The following ATP2B4 variants were observed in gnomAD, a reference collection of about 807,000 sequenced individuals.
ATP2B4 encodes ATPase plasma membrane Ca2+ transporting 4.
In ATP2B4, 39 loss-of-function variants were observed where a neutral mutation model predicts 110.3. The ratio of observed to expected loss-of-function variants is 0.35; its 90% CI spans 0.27 to 0.46. The LOEUF (loss-of-function observed/expected upper bound fraction) is 0.46. Among genes scored for constraint, ATP2B4 ranks in the 20% least tolerant of loss-of-function variants. The pLI, the probability that ATP2B4 is intolerant of heterozygous loss-of-function variation, is 1.00. For synonymous variants in ATP2B4, 538 were observed against 571.7 expected (o/e 0.94, Z 0.84); for missense variants, 1,135 against 1,530.9 (o/e 0.74, Z 4.32).
chr1:203,683,639 TTTTC>T lies in ATP2B4; in HGVS notation c.193+252_193+255del, dbSNP rs1161532810. 7.2e-5 allele frequency among the ~76,000 whole-genome samples: 11 copies of T among 151,750 alleles called. No individual in the cohort carries two copies. The South Asian group carries it at 8.3e-4, about 11-fold the overall frequency. On this transcript the variant is annotated intron_variant, in intron 2 of 20. Coordinates refer to ENST00000357681, the MANE Select transcript of ATP2B4 (RefSeq NM_001684.5). The stretch of plus-strand genomic sequence containing the variant: ...AAAGATTATTCTTTTCTCCTTTTTC[TTTTC>T]TTTCTTTCTTCTTCTTTTGTTTCTT...
chr1:203,648,092 C>T (rs1276960272), intron 1 of ATP2B4, among the ~76,000 whole-genome samples: 2 of 152,078 alleles, frequency 1.3e-5, no homozygotes, highest in Non-Finnish European at 2.9e-5. Flanking sequence ...AAATAAAGCC[C>T]CCTGTAAATC....
At position 203,716,768 on chromosome 1, in the gene ATP2B4, G is replaced by A. The variant is rs141763620; in HGVS notation, c.2406+2491G>A. Among the ~76,000 whole-genome samples the A allele has an allele frequency of 4.1e-3, 595 of 145,234 alleles. 71 individuals are homozygous for A. The highest frequency in any genetic ancestry group is 0.014 in the African/African-American group (557 of 39,890). The stretch of plus-strand genomic sequence containing the variant: ...TTATTTCACTGTGATTTCCTTTAAC[G>A]TATTATTTTCTTCCTTATATTTCCT... On this transcript the variant is annotated intron_variant, in intron 15 of 20. Transcript: ENST00000357681.
At chr1:203,686,685 C>CTTTTGTTTTTTTTTTTTTTTTTTTTTTT (rs1665194016) in intron 2 of ATP2B4, among the ~76,000 whole-genome samples, 1 of 42,776 alleles carries the variant, frequency 2.3e-5, no homozygotes, top group African/African-American at 1.0e-4. Context: ...TCTTTTCTTT[C>CTTTTGTTTTTTTTTTTTTTTTTTTTTTT]TTTTTTTTTT....
At chr1:203,734,041 C>T (rs1474066025) in intron 20 of ATP2B4, among the ~76,000 whole-genome samples, 2 of 152,228 alleles carry the variant, frequency 1.3e-5, no homozygotes, top group South Asian at 2.1e-4. Context: ...CACGATGGCT[C>T]ACGCCTGTAA....
In ATP2B4 at chr1:203,694,019, A is replaced by C. The variant is rs183360734; in HGVS notation, c.194-4138A>C. On this transcript the variant is annotated intron_variant, in intron 2 of 20. Coordinates refer to ENST00000357681, the MANE Select transcript of ATP2B4 (RefSeq NM_001684.5). ...ATAGACTCTGCCACTTAATAAGCTC[A>C]AGTAGTCATACCCCTGCCAGGCCTT... Among the ~76,000 whole-genome samples, 6 of 152,162 alleles carry C rather than the reference A, an allele frequency of 3.9e-5. No individual in the cohort carries two copies. The East Asian group carries it at 1.2e-3, about 29-fold the overall frequency.
intron 1 of ATP2B4, among the ~76,000 whole-genome samples, chr1:203,646,815 C>CAGG (rs1291027111): frequency 2.6e-5 from 4 of 152,136 alleles, no homozygotes; most frequent in Non-Finnish European, 4.4e-5. Context: ...TGCCTCTACA[C>CAGG]AGGATCATCC....
chr1:203,730,484 T>C (rs1259859267), intron 20 of ATP2B4, among the ~76,000 whole-genome samples: 1 of 152,182 alleles, frequency 6.6e-6, no homozygotes, highest in African/African-American at 2.4e-5. Flanking sequence ...CCCCCAGTGC[T>C]TTCCTTTGGG....
At chr1:203,703,490 G>A (rs1665754481) in intron 7 of ATP2B4, among the ~76,000 whole-genome samples, 162 bp from the exon 8 acceptor site, 1 of 152,180 alleles carries the variant, frequency 6.6e-6, no homozygotes, top group Non-Finnish European at 1.5e-5. Flanking sequence ...AGTGTTGAAG[G>A]CAAGTTCCAT....
At chr1:203,652,304 C>T (rs992629000) in intron 1 of ATP2B4, among the ~76,000 whole-genome samples, 37 of 151,892 alleles carry the variant, frequency 2.4e-4, no homozygotes, top group Admixed American at 4.6e-4. Flanking sequence ...CCTCCATGCC[C>T]GGCTAATTTT....
At chr1:203,701,087 C>T (rs1015792782) in intron 6 of ATP2B4, among the ~76,000 whole-genome samples, 164 bp downstream of exon 6, 1 of 151,854 alleles carries the variant, frequency 6.6e-6, no homozygotes, top group Admixed American at 6.6e-5. Flanking sequence ...ATCCTTGGCT[C>T]CAGGGAGCTC....
At chr1:203,654,183 C>A (rs1182637326) in intron 1 of ATP2B4, among the ~76,000 whole-genome samples, 1 of 151,788 alleles carries the variant, frequency 6.6e-6, no homozygotes, top group Non-Finnish European at 1.5e-5. Context: ...AGGGTTGCAT[C>A]ATATTGGTCA....
chr1:203,677,324 T>C (rs1032039950), intron 1 of ATP2B4, among the ~76,000 whole-genome samples: 1 of 152,146 alleles, frequency 6.6e-6, no homozygotes. Context: ...ACAAATATTT[T>C]TTTCCCAACC....
At chr1:203,714,694 G>A (rs1369709615) in intron 15 of ATP2B4, among the ~76,000 whole-genome samples, 1 of 152,124 alleles carries the variant, frequency 6.6e-6, no homozygotes, top group Non-Finnish European at 1.5e-5. Context: ...ATGTTCCAAG[G>A]CTCCACAGTT....
chr1:203,662,859 T>G (rs994235969), intron 1 of ATP2B4, among the ~76,000 whole-genome samples: 1 of 152,192 alleles, frequency 6.6e-6, no homozygotes, highest in Non-Finnish European at 1.5e-5. Context: ...GAGTGTGCTG[T>G]TTATAAACTC....
At chr1:203,710,707 C>T (rs1665981391) in intron 11 of ATP2B4, among the ~76,000 whole-genome samples, 170 bp from the exon 12 acceptor site, 2 of 152,192 alleles carry the variant, frequency 1.3e-5, no homozygotes, top group Admixed American at 1.3e-4. Flanking sequence ...CCACAGCCCA[C>T]CTACCTTGGA....
At chr1:203,698,052 G>A (rs1434122188) in intron 2 of ATP2B4, 105 bp from the exon 3 acceptor site, 1 of 939,738 alleles carries the variant, frequency 1.1e-6, no homozygotes, top group Non-Finnish European at 1.7e-6. Flanking sequence ...TGTTGCCCAG[G>A]CTAGAGTGTA....
chr1:203,738,425 T>C (rs1026162508), intron 20 of ATP2B4, among the ~76,000 whole-genome samples: 2 of 152,208 alleles, frequency 1.3e-5, no homozygotes, highest in African/African-American at 4.8e-5. Flanking sequence ...GTCAGTTTTT[T>C]CTTGATGACT....
rs535174640 is a variant in ATP2B4 at position 203,657,948 on chromosome 1, C to T, written c.-464-24794C>T. ...TGAACTCCTGACCGCAAGTGATCCG[C>T]CCCCCTCAACCTCCCAAAGTGCTAG... On this transcript the variant is annotated intron_variant, in intron 1 of 20. Transcript: ENST00000357681. Among the ~76,000 whole-genome samples, 147 of 152,048 alleles carry T rather than the reference C, an allele frequency of 9.7e-4. 2 individuals are homozygous for T. The highest frequency in any genetic ancestry group is 3.3e-3 in the African/African-American group (136 of 41,528).
chr1:203,657,272 A>G (rs1251321498), intron 1 of ATP2B4: 8 of 718,892 alleles, frequency 1.1e-5, no homozygotes, highest in Admixed American at 4.4e-5. Flanking sequence ...TTGTAAAGCC[A>G]TCTCCGACAA....
Sources: gnomAD v4.1 joint callset for allele counts (sites outside exome capture counted in the v4.1 genomes callset) on GRCh38, gnomAD v4.1.1 for gene constraint, MANE v1.5 for transcripts, NCBI Gene and HGNC (gene_info 2026-07-23, HGNC 2026-07-21) for gene names.